PCDHA4: variants seen among roughly 807,000 people sequenced by gnomAD.
PCDHA4 encodes the protein protocadherin alpha-4.
PCDHA4 carries 49 observed loss-of-function variants against 61.4 expected under a neutral mutation model. The ratio of observed to expected loss-of-function variants is 0.80; its 90% CI spans 0.63 to 1.01. The LOEUF (loss-of-function observed/expected upper bound fraction) is 1.01. PCDHA4 is among the 50% of genes least tolerant of loss of function. PCDHA4 has a pLI of 0.00. For synonymous variants in PCDHA4, 590 were observed against 550.3 expected (o/e 1.07, Z -1.01); for missense variants, 1,254 against 1,235.8 (o/e 1.01, Z -0.22).
At chr5:140,884,471 G>A (rs2060197778) in intron 1 of PCDHA4, 1 of 1,613,802 alleles carries the variant, frequency 6.2e-7, no homozygotes, top group Non-Finnish European at 8.5e-7. Flanking sequence ...GTGCGCGCCG[G>A]GCAAGCCCAC....
In PCDHA4 at chr5:140,882,320, C is replaced by T. The variant is rs374687530; in HGVS notation, c.2385+72748C>T. The T allele has an allele frequency of 2.8e-5, 45 of 1,614,182 alleles. No homozygotes were observed. The African/African-American group carries it at 5.6e-4, about 20-fold the overall frequency. On this transcript the variant is annotated intron_variant, in intron 1 of 3. Coordinates refer to ENST00000530339, the MANE Select transcript of PCDHA4 (RefSeq NM_018907.4). ...AAGACCGCGGCAACTACTGCTCTGG[C>T]TTCTGATCCTCGCAGCCTGGGAGAC... is the stretch of plus-strand genomic sequence containing the variant.
chr5:140,875,530 C>T lies in PCDHA4; in HGVS notation c.2385+65958C>T, dbSNP rs782004877. On this transcript the variant is annotated intron_variant, in intron 1 of 3. Transcript: ENST00000530339. Reference sequence around the variant, plus strand: ...CCAGCGTCTGCTGCTCTCGCTTCTGCTCCTTGCAGCCTGGGAGGTGGGGAG... The same window carrying T: ...CCAGCGTCTGCTGCTCTCGCTTCTGTTCCTTGCAGCCTGGGAGGTGGGGAG... 9 of 1,614,004 alleles carry T rather than the reference C, an allele frequency of 5.6e-6. No individual in the cohort carries two copies. The South Asian group carries it at 8.8e-5, about 16-fold the overall frequency.
At chr5:140,814,652 A>C (rs1002175357) in intron 1 of PCDHA4, 2 of 152,004 alleles carry the variant, frequency 1.3e-5, no homozygotes, top group African/African-American at 2.4e-5. Context: ...TTACACCAAC[A>C]TCACCACAAA....
chr5:140,875,443 G>A, intron 1 of PCDHA4: 1 of 1,580,070 alleles, frequency 6.3e-7, no homozygotes. Flanking sequence ...AAAACTGATT[G>A]TCCCAACTCA....
intron 1 of PCDHA4, chr5:140,812,723 C>A (rs1765166434): frequency 6.6e-6 from 1 of 152,228 alleles, no homozygotes; most frequent in Admixed American, 6.5e-5. Context: ...ATTCCCAAAG[C>A]ACTGGGATTA....
In PCDHA4 at chr5:140,929,288, G is replaced by A. The variant is rs386352346; in HGVS notation, c.2386-49661G>A. 3.1e-6 allele frequency: 5 copies of A among 1,597,514 alleles called. No homozygotes were observed. Among genetic ancestry groups the A allele is most frequent in the Non-Finnish European group, 3.4e-6 (4 of 1,168,792 alleles). On this transcript the variant is annotated intron_variant, in intron 1 of 3. Transcript: ENST00000530339. ...TTGCCAATATCCTGTATTCAGATTC[G>A]GAATAGGAAAGGGGATCACGCTAAT... is the stretch of plus-strand genomic sequence containing the variant.
intron 1 of PCDHA4, chr5:140,824,859 A>G (rs1768373145): frequency 1.3e-5 from 2 of 152,032 alleles, no homozygotes; most frequent in African/African-American, 4.8e-5. Flanking sequence ...TTTGTTTTCA[A>G]TTGTATTTTT....
chr5:140,887,047 C>G (rs530605993), intron 1 of PCDHA4, among the ~76,000 whole-genome samples: 1 of 151,882 alleles, frequency 6.6e-6, no homozygotes, highest in African/African-American at 2.4e-5. Flanking sequence ...TTTTATAGTG[C>G]ATATGTTCTG....
rs1310366696 is a variant in PCDHA4 at position 140,890,210 on chromosome 5, T to A, written c.2385+80638T>A. Among the ~76,000 whole-genome samples the A allele has an allele frequency of 5.3e-5, 8 of 152,148 alleles. 1 individual carries two copies. Among genetic ancestry groups the A allele is most frequent in the Admixed American group, 3.3e-4 (5 of 15,270 alleles). On this transcript the variant is annotated intron_variant, in intron 1 of 3. Coordinates refer to ENST00000530339, the MANE Select transcript of PCDHA4 (RefSeq NM_018907.4). ...AACAGAGTTTTTTGTTTTTCTTTTT[T>A]CCCAGAGACCTAGTTGTTAAGCATT... is the stretch of plus-strand genomic sequence containing the variant.
Position 140,808,330 on chromosome 5 carries a change from C to A in PCDHA4, c.1143C>A (p.Val381=). The A allele has an allele frequency of 6.2e-7, 1 of 1,614,262 alleles. No individual in the cohort carries two copies. Among genetic ancestry groups the A allele is most frequent in the East Asian group, 2.2e-5 (1 of 44,886 alleles). ...LISVSDKDMG[V]NGLVTCSLTS... is the part of the protein sequence containing the mutation. Reference sequence around the variant, plus strand: ...GCGTGTCCGACAAAGACATGGGTGTCAATGGGCTGGTCACCTGCTCCTTGA... The same window carrying A: ...GCGTGTCCGACAAAGACATGGGTGTAAATGGGCTGGTCACCTGCTCCTTGA... The change falls in exon 1 of 4, where the codon GTC becomes GTA. Residue 381 remains valine, a synonymous_variant. Transcript: ENST00000530339.
chr5:140,936,831 A>T lies in PCDHA4; in HGVS notation c.2386-42118A>T, dbSNP rs142448727. 3.1e-3 allele frequency among the ~76,000 whole-genome samples: 478 copies of T among 152,252 alleles called. 2 individuals are homozygous for T. Among genetic ancestry groups the T allele is most frequent in the African/African-American group, 0.011 (455 of 41,554 alleles). Reference sequence around the variant, plus strand: ...GCTATTTTTGGCCCTTTGCATTTCTATATAAATTGTAGATTCAGCTTCTCA... The same window carrying T: ...GCTATTTTTGGCCCTTTGCATTTCTTTATAAATTGTAGATTCAGCTTCTCA... On this transcript the variant is annotated intron_variant, in intron 1 of 3. Transcript: ENST00000530339.
At chr5:140,977,373 A>G (rs1167438428) in intron 1 of PCDHA4, among the ~76,000 whole-genome samples, 1 of 152,168 alleles carries the variant, frequency 6.6e-6, no homozygotes, top group Non-Finnish European at 1.5e-5. Flanking sequence ...TATTTTAGTC[A>G]TATTTCCAGG....
chr5:140,978,778 T>C, intron 1 of PCDHA4, 171 bp from the exon 2 acceptor site: 1 of 968,888 alleles, frequency 1.0e-6, no homozygotes, highest in Non-Finnish European at 1.2e-6. Context: ...CTAATTTTCT[T>C]CTAAAGTGCT....
In PCDHA4 at chr5:140,876,858, G is replaced by A. The variant is rs201724019; in HGVS notation, c.2385+67286G>A. The A allele has an allele frequency of 1.3e-4, 215 of 1,614,152 alleles. No homozygotes were observed. In the East Asian group the frequency reaches 3.0e-3, roughly 22 times the overall value. ...CGTTCGCGCAGCCCGAGTACACAGT[G>A]TTCGTGAAGGAGAACAACCCGCCGG... On this transcript the variant is annotated intron_variant, in intron 1 of 3. Transcript: ENST00000530339.
chr5:140,875,767 A>G, intron 1 of PCDHA4: 1 of 1,614,144 alleles, frequency 6.2e-7, no homozygotes, highest in Non-Finnish European at 8.5e-7. Context: ...GTGCGGGCGG[A>G]GCGCGGAGTG....
Position 140,807,986 on chromosome 5 carries a change from T to C in PCDHA4, c.799T>C (p.Ser267Pro). ...AACATTGGTAATTAAACTTAACGCCTCAGATTTAGACGAAGGATTGAATGG... is the reference window on the plus strand; with the variant it reads ...AACATTGGTAATTAAACTTAACGCCCCAGATTTAGACGAAGGATTGAATGG... ...NGTLVIKLNA[S>P]DLDEGLNGDI... The change falls in exon 1 of 4, where the codon TCA (serine) becomes CCA (proline). Residue 267 changes from serine to proline, a missense_variant. Coordinates refer to ENST00000530339, the MANE Select transcript of PCDHA4 (RefSeq NM_018907.4). 6.2e-7 allele frequency: 1 copy of C among 1,613,662 alleles called. No homozygotes were observed. Among genetic ancestry groups the C allele is most frequent in the Non-Finnish European group, 8.5e-7 (1 of 1,179,592 alleles).
At chr5:140,876,048 T>G in intron 1 of PCDHA4, 1 of 1,613,930 alleles carries the variant, frequency 6.2e-7, no homozygotes, top group Non-Finnish European at 8.5e-7. Context: ...GTATATTGCC[T>G]GAATTAGTTC....
Position 140,808,738 on chromosome 5 carries a change from G to A in PCDHA4, c.1551G>A (p.Val517=), listed in dbSNP as rs571920804. ...YVSVHAESGK[V]YALQPLDHEE... ...CGGTGCATGCGGAGAGCGGCAAGGT[G>A]TACGCGCTGCAGCCGCTGGACCACG... The change falls in exon 1 of 4, where the codon GTG becomes GTA. Residue 517 remains valine (V), a synonymous_variant. Coordinates refer to ENST00000530339, the MANE Select transcript of PCDHA4 (RefSeq NM_018907.4). 5 of 1,612,146 alleles carry A rather than the reference G, an allele frequency of 3.1e-6. No homozygotes were observed. Among genetic ancestry groups the A allele is most frequent in the East Asian group, 2.2e-5 (1 of 44,858 alleles).
chr5:140,861,130 A>C (rs1554154191), intron 1 of PCDHA4: 1 of 153,606 alleles, frequency 6.5e-6, no homozygotes, highest in Non-Finnish European at 1.4e-5. Flanking sequence ...CATTAAGACC[A>C]CTTGGAACCT....
Sources: gnomAD v4.1 joint callset for allele counts (sites outside exome capture counted in the v4.1 genomes callset) on GRCh38, gnomAD v4.1.1 for gene constraint, MANE v1.5 for transcripts, NCBI Gene and HGNC (gene_info 2026-07-23, HGNC 2026-07-21) for gene names.